SNX8: variants seen among roughly 807,000 people sequenced by gnomAD.
SNX8 encodes the protein sorting nexin 8, also known as sorting nexin-8.
SNX8 carries 25 observed loss-of-function variants against 51.6 expected under a neutral mutation model. The ratio of observed to expected loss-of-function variants is 0.48; its 90% CI spans 0.35 to 0.68. The LOEUF is 0.68. Ranked by LOEUF, SNX8 falls within the 30% of genes least tolerant of loss-of-function variation. The probability of loss-of-function intolerance (pLI) is 0.00; values close to 1 mark genes in which losing one functional copy is unlikely to be tolerated. For missense variants in SNX8, 695 were observed against 624.0 expected, an observed-to-expected ratio of 1.11 and a Z score of -1.21; for synonymous variants, 324 against 277.0, an observed-to-expected ratio of 1.17 and a Z score of -1.68.
chr7:2,286,917 G>C (rs957604655), intron 1 of SNX8, among the ~76,000 whole-genome samples: 9 of 151,820 alleles, frequency 5.9e-5, no homozygotes, highest in Non-Finnish European at 8.8e-5. Context: ...GAGGTGGGCA[G>C]ATCATGAGGT....
At chr7:2,333,549 G>A (rs1243680906) in intron 1 of SNX8, among the ~76,000 whole-genome samples, 2 of 152,094 alleles carry the variant, frequency 1.3e-5, no homozygotes, top group African/African-American at 2.4e-5. Flanking sequence ...GTGGCAGAGT[G>A]AGAACCTGTC....
In SNX8 at chr7:2,254,971, C is replaced by T; in HGVS notation, c.*85G>A. On this transcript the variant is annotated 3_prime_UTR_variant, in exon 11 of 11. Coordinates refer to ENST00000222990, the MANE Select transcript of SNX8 (RefSeq NM_013321.4). The stretch of plus-strand genomic sequence containing the variant: ...CGGGGCGTGGCGGGGAGGGGAGCTG[C>T]CGTCCAAAGGGAATTACACCGGGAC... The T allele has an allele frequency of 2.1e-6, 2 of 941,784 alleles. No individual in the cohort carries two copies. Among genetic ancestry groups the T allele is most frequent in the Non-Finnish European group, 1.7e-6 (1 of 601,322 alleles). 58.3% of individuals were successfully genotyped at this position (941,784 alleles called of 1,614,324 possible).
In SNX8 at chr7:2,253,410, C is replaced by G. The variant is rs1795093057; in HGVS notation, c.*1646G>C. Reference sequence around the variant, plus strand: ...AGCCTTCTGCCCACACGGGGTCACGCTTCATGGCTCGGGTGTCATGGTGCC... The same window carrying G: ...AGCCTTCTGCCCACACGGGGTCACGGTTCATGGCTCGGGTGTCATGGTGCC... On this transcript the variant is annotated 3_prime_UTR_variant, in exon 11 of 11. Transcript: ENST00000222990. 2 of 152,418 alleles carry G rather than the reference C, an allele frequency of 1.3e-5. No individual in the cohort carries two copies. Among genetic ancestry groups the G allele is most frequent in the Non-Finnish European group, 2.9e-5 (2 of 68,178 alleles). 9.4% of individuals were successfully genotyped at this position (152,418 alleles called of 1,614,324 possible). A position where few individuals can be genotyped will look rare whatever the true frequency, so the allele number is the denominator to read the frequency against.
chr7:2,300,327 T>C (rs979633026), intron 1 of SNX8, among the ~76,000 whole-genome samples: 1 of 152,232 alleles, frequency 6.6e-6, no homozygotes, highest in African/African-American at 2.4e-5. Flanking sequence ...AAGGAGATTT[T>C]ATGTTGAACT....
At chr7:2,300,297 T>C (rs1314908124) in intron 1 of SNX8, among the ~76,000 whole-genome samples, 1 of 152,170 alleles carries the variant, frequency 6.6e-6, no homozygotes, top group Non-Finnish European at 1.5e-5. Context: ...AGTGATTTGT[T>C]TTTTCAGAGC....
At chr7:2,325,022 T>G (rs1778598783) in intron 1 of SNX8, among the ~76,000 whole-genome samples, 1 of 152,152 alleles carries the variant, frequency 6.6e-6, no homozygotes, top group East Asian at 1.9e-4. Flanking sequence ...TTTTGTAGAA[T>G]GGTGTCTCAC....
intron 1 of SNX8, among the ~76,000 whole-genome samples, chr7:2,337,852 T>TA (rs66642038): frequency 0.03 from 3,947 of 131,450 alleles, 100 homozygotes; most frequent in African/African-American, 0.078. Flanking sequence ...GGATATCTTG[T>TA]AAAAAAAAAA....
intron 1 of SNX8, among the ~76,000 whole-genome samples, chr7:2,336,679 G>C (rs1778836671): frequency 6.6e-6 from 1 of 151,842 alleles, no homozygotes; most frequent in Non-Finnish European, 1.5e-5. Flanking sequence ...CTGCACTCTA[G>C]CCTGGCTACA....
chr7:2,264,243 G>C, intron 6 of SNX8, 55 bp downstream of exon 6: 3 of 1,543,424 alleles, frequency 1.9e-6, no homozygotes, highest in South Asian at 1.2e-5. Context: ...CCCTTCACCA[G>C]CATGGATTCC....
intron 1 of SNX8, among the ~76,000 whole-genome samples, chr7:2,351,493 G>C (rs1275840499): frequency 6.6e-6 from 1 of 151,996 alleles, no homozygotes; most frequent in Non-Finnish European, 1.5e-5. Flanking sequence ...GAGGTGCGAC[G>C]GCACCACTGT....
chr7:2,289,112 G>A lies in SNX8; in HGVS notation c.95-10807C>T, dbSNP rs528617539. On this transcript the variant is annotated intron_variant, in intron 1 of 10. Coordinates refer to ENST00000222990, the MANE Select transcript of SNX8 (RefSeq NM_013321.4). ...CGTCTTTCCCTCAGCATCAGGCTGC[G>A]AGACCTGTTGTGCACGTGGCTGTGG... Among the ~76,000 whole-genome samples, 36 of 152,266 alleles carry A rather than the reference G, an allele frequency of 2.4e-4. No individual in the cohort carries two copies. The Middle Eastern group carries it at 0.01, about 43-fold the overall frequency.
intron 1 of SNX8, among the ~76,000 whole-genome samples, chr7:2,301,263 T>G (rs370248232): frequency 6.6e-6 from 1 of 152,178 alleles, no homozygotes; most frequent in Non-Finnish European, 1.5e-5. Flanking sequence ...CAGGCCACAC[T>G]GCTCATGTCC....
At chr7:2,354,049 C>A (rs1162311897) in intron 1 of SNX8, 2 of 152,560 alleles carry the variant, frequency 1.3e-5, no homozygotes, top group Non-Finnish European at 1.5e-5. Context: ...GAGTCAGCCT[C>A]GAGCTCCACG....
chr7:2,266,178 T>C (rs1008918829), intron 5 of SNX8, among the ~76,000 whole-genome samples: 8 of 152,078 alleles, frequency 5.3e-5, no homozygotes, highest in African/African-American at 1.9e-4. Context: ...TTTCTGGTTT[T>C]TTTGTTGTTG....
At chr7:2,343,369 C>G (rs547344180) in intron 1 of SNX8, among the ~76,000 whole-genome samples, 1 of 152,188 alleles carries the variant, frequency 6.6e-6, no homozygotes, top group African/African-American at 2.4e-5. Flanking sequence ...AGACTAGAAG[C>G]CTGAACTTAC....
intron 1 of SNX8, among the ~76,000 whole-genome samples, chr7:2,325,506 GTGC>G (rs1194070050): frequency 3.3e-5 from 5 of 152,090 alleles, no homozygotes; most frequent in Non-Finnish European, 5.9e-5. Flanking sequence ...GACGTTAAAG[GTGC>G]TGCTGATGAG....
intron 1 of SNX8, among the ~76,000 whole-genome samples, chr7:2,350,821 ATT>A (rs1779122725): frequency 6.6e-6 from 1 of 151,958 alleles, no homozygotes; most frequent in Non-Finnish European, 1.5e-5. Context: ...TAAATTTTGT[ATT>A]TTTAGTAGAG....
intron 1 of SNX8, among the ~76,000 whole-genome samples, chr7:2,304,068 G>C: frequency 6.6e-6 from 1 of 150,656 alleles, no homozygotes; most frequent in African/African-American, 2.4e-5. Context: ...TCGGGAGGCT[G>C]AGGCAGGAGA....
At chr7:2,337,125 T>C (rs1273772288) in intron 1 of SNX8, 1 of 152,098 alleles carries the variant, frequency 6.6e-6, no homozygotes, top group Non-Finnish European at 1.5e-5. Context: ...CCACTGTGCG[T>C]AGCTGTGAAG....
Sources: gnomAD v4.1 joint callset for allele counts (sites outside exome capture counted in the v4.1 genomes callset) on GRCh38, gnomAD v4.1.1 for gene constraint, MANE v1.5 for transcripts, NCBI Gene and HGNC (gene_info 2026-07-23, HGNC 2026-07-21) for gene names.